The following FMN2 variants were observed in gnomAD, a reference collection of about 807,000 sequenced individuals.
FMN2 encodes formin-2.
A neutral mutation model predicts 142.3 loss-of-function variants in FMN2; 51 were observed. The observed-to-expected ratio is 0.36, with a 90% CI of 0.29 to 0.45. The LOEUF (loss-of-function observed/expected upper bound fraction) is 0.45. FMN2 is among the 20% of genes least tolerant of loss of function. The pLI is 1.00. For synonymous variants in FMN2, 882 were observed against 869.8 expected (o/e 1.01, Z -0.25); for missense variants, 1,936 against 2,122.8 (o/e 0.91, Z 1.73).
At chr1:240,143,431 C>A in intron 2 of FMN2, 2 of 1,441,220 alleles carry the variant, frequency 1.4e-6, no homozygotes, top group South Asian at 2.3e-5. Context: ...AACAGCCACT[C>A]CCTGATGTGC....
intron 1 of FMN2, among the ~76,000 whole-genome samples, chr1:240,120,612 C>G (rs1662196666): frequency 6.6e-6 from 1 of 152,126 alleles, no homozygotes; most frequent in African/African-American, 2.4e-5. Context: ...TGAGGAAGGT[C>G]AACTTTAAAC....
chr1:240,430,149 GT>G (rs1309250452), intron 15 of FMN2, among the ~76,000 whole-genome samples: 2 of 152,108 alleles, frequency 1.3e-5, no homozygotes, highest in Non-Finnish European at 2.9e-5. Context: ...GCCTCCCAAA[GT>G]GCTGGGATTA....
chr1:240,366,798 G>A (rs1441764517), intron 14 of FMN2, among the ~76,000 whole-genome samples: 2 of 152,074 alleles, frequency 1.3e-5, no homozygotes, highest in South Asian at 2.1e-4. Context: ...TGATCTGCCC[G>A]CCTCGACCTC....
At chr1:240,399,906 A>G (rs1228559086) in intron 15 of FMN2, among the ~76,000 whole-genome samples, 1 of 152,150 alleles carries the variant, frequency 6.6e-6, no homozygotes, top group Non-Finnish European at 1.5e-5. Flanking sequence ...TCCTAATCCT[A>G]GCTTTAACCA....
chr1:240,330,550 A>G, intron 10 of FMN2, 53 bp from the exon 11 acceptor site: 1 of 1,583,216 alleles, frequency 6.3e-7, no homozygotes. Flanking sequence ...GATGATTCAA[A>G]CAAAACCTGG....
chr1:240,112,003 A>G (rs554381234), intron 1 of FMN2, among the ~76,000 whole-genome samples: 7 of 152,140 alleles, frequency 4.6e-5, no homozygotes, highest in African/African-American at 1.7e-4. Flanking sequence ...TGGTTATACT[A>G]TTCTAGATTT....
intron 2 of FMN2, among the ~76,000 whole-genome samples, chr1:240,174,609 A>T (rs1380660359): frequency 6.6e-6 from 1 of 151,984 alleles, no homozygotes; most frequent in Non-Finnish European, 1.5e-5. Context: ...CAAGCAATTT[A>T]CCTGACTTTG....
chr1:240,449,142 C>CAA (rs35957230), intron 16 of FMN2, among the ~76,000 whole-genome samples: 14 of 137,542 alleles, frequency 1.0e-4, no homozygotes, highest in South Asian at 9.6e-4. Flanking sequence ...GACCCTGTCT[C>CAA]AAAAAAAAAA....
At chr1:240,359,960 C>T (rs1251456573) in intron 14 of FMN2, among the ~76,000 whole-genome samples, 3 of 152,188 alleles carry the variant, frequency 2.0e-5, no homozygotes, top group Non-Finnish European at 4.4e-5. Flanking sequence ...CTGTCTTGCT[C>T]ACCAGGCATA....
chr1:240,379,301 C>T (rs928701181), intron 14 of FMN2, among the ~76,000 whole-genome samples: 83 of 151,866 alleles, frequency 5.5e-4, no homozygotes, highest in African/African-American at 2.0e-3. Context: ...TCTTTTGGCC[C>T]TGTAAAAGCT....
chr1:240,422,553 G>T (rs540752136), intron 15 of FMN2, among the ~76,000 whole-genome samples: 2 of 152,126 alleles, frequency 1.3e-5, no homozygotes. Context: ...ATTATTCAGT[G>T]CTGGTATATG....
intron 3 of FMN2, among the ~76,000 whole-genome samples, chr1:240,184,815 A>G (rs1400766823): frequency 6.6e-6 from 1 of 151,872 alleles, no homozygotes. Flanking sequence ...AGTTGGAACT[A>G]GGCTGATATC....
intron 8 of FMN2, among the ~76,000 whole-genome samples, chr1:240,300,700 A>C (rs964473427): frequency 6.6e-6 from 1 of 152,214 alleles, no homozygotes; most frequent in African/African-American, 2.4e-5. Flanking sequence ...AAGCTAACTA[A>C]CTGTCATGCA....
chr1:240,326,723 T>TA (rs1671183150), intron 8 of FMN2, among the ~76,000 whole-genome samples: 1 of 151,832 alleles, frequency 6.6e-6, no homozygotes, highest in African/African-American at 2.4e-5. Context: ...TTTTTTTTTT[T>TA]TATATGAGGT....
In FMN2 at chr1:240,116,107, T is replaced by C. The variant is rs144323549; in HGVS notation, c.1616-7072T>C. Among the ~76,000 whole-genome samples, 7 of 152,352 alleles carry C rather than the reference T, an allele frequency of 4.6e-5. No individual in the cohort carries two copies. The East Asian group carries it at 1.3e-3, about 29-fold the overall frequency. ...AGCAGTGAGGACAACCAGAGGTCGC[T>C]TTCATCACCATCTTGGTTTTGGTGG... On this transcript the variant is annotated intron_variant, in intron 1 of 17. Transcript: ENST00000319653.
chr1:240,320,744 G>A (rs1448194048), intron 8 of FMN2, among the ~76,000 whole-genome samples: 4 of 152,178 alleles, frequency 2.6e-5, no homozygotes, highest in African/African-American at 7.2e-5. Flanking sequence ...TGTCTGCTCC[G>A]TGGATGCCCA....
intron 7 of FMN2, among the ~76,000 whole-genome samples, chr1:240,275,579 T>C (rs965387147): frequency 7.2e-5 from 11 of 152,202 alleles, no homozygotes; most frequent in African/African-American, 2.2e-4. Flanking sequence ...TATAGTAGAA[T>C]GATTTATAAT....
At chr1:240,408,592 C>T (rs1164860513) in intron 15 of FMN2, among the ~76,000 whole-genome samples, 1 of 152,032 alleles carries the variant, frequency 6.6e-6, no homozygotes, top group African/African-American at 2.4e-5. Flanking sequence ...TTATTTCAAG[C>T]ATTCAATGAT....
chr1:240,235,053 A>G (rs1667657213), intron 6 of FMN2, among the ~76,000 whole-genome samples: 1 of 152,188 alleles, frequency 6.6e-6, no homozygotes, highest in African/African-American at 2.4e-5. Flanking sequence ...TCTTCAAAGA[A>G]TCTATAACAC....
Sources: gnomAD v4.1 joint callset for allele counts (sites outside exome capture counted in the v4.1 genomes callset) on GRCh38, gnomAD v4.1.1 for gene constraint, MANE v1.5 for transcripts, NCBI Gene and HGNC (gene_info 2026-07-23, HGNC 2026-07-21) for gene names.